TRPC6: variants seen among roughly 807,000 people sequenced by gnomAD.
The protein encoded by TRPC6 is short transient receptor potential channel 6.
A neutral mutation model predicts 90.7 loss-of-function variants in TRPC6; 55 were observed. The observed-to-expected ratio is 0.61, with a 90% confidence interval of 0.49 to 0.76. The LOEUF (loss-of-function observed/expected upper bound fraction) is 0.76, where lower values mean the gene tolerates loss of function less well. Among genes scored for constraint, TRPC6 ranks in the 30% least tolerant of loss-of-function variants. The pLI, the probability that TRPC6 is intolerant of heterozygous loss-of-function variation, is 0.00. For missense variants in TRPC6, 989 were observed against 1,122.7 expected, an observed-to-expected ratio of 0.88 and a Z score of 1.70; for synonymous variants, 393 against 393.0, an observed-to-expected ratio of 1.00 and a Z score of 0.00.
chr11:101,488,832 AAACCC>A, intron 4 of TRPC6, 100 bp downstream of exon 4: 1 of 1,286,002 alleles, frequency 7.8e-7, no homozygotes, highest in South Asian at 1.2e-5. Context: ...AAGATTACTG[AAACCC>A]AACTGTGATT....
rs747283143 is a variant in TRPC6, at chr11:101,491,628, C to A, written c.1056G>T (p.Thr352=). 8 of 1,613,824 alleles carry A rather than the reference C, an allele frequency of 5.0e-6. No individual in the cohort carries two copies. The African/African-American group carries it at 5.3e-5, about 11-fold the overall frequency. The change falls in exon 3 of 13, where the codon ACG becomes ACT. Residue 352 remains threonine (T), a synonymous_variant. Transcript: ENST00000344327. ...GGCGACCGTGATCACCACTCTGGAG[C>A]GTTTCAACATCCCCATTCAGAATGG... The part of the protein sequence containing the change: ...VEAILNGDVE[T]LQSGDHGRPN...
chr11:101,542,120 A>G (rs1861186475), intron 1 of TRPC6, among the ~76,000 whole-genome samples: 1 of 152,234 alleles, frequency 6.6e-6, no homozygotes, highest in African/African-American at 2.4e-5. Flanking sequence ...TTAGAGCCAT[A>G]ATTGTACTTA....
chr11:101,509,045 T>G (rs1309430630), intron 1 of TRPC6, among the ~76,000 whole-genome samples: 1 of 151,556 alleles, frequency 6.6e-6, no homozygotes, highest in Non-Finnish European at 1.5e-5. Flanking sequence ...CACTTGGACT[T>G]CATCATTTTT....
chr11:101,522,066 A>C (rs1321124608), intron 1 of TRPC6, among the ~76,000 whole-genome samples: 4 of 152,162 alleles, frequency 2.6e-5, no homozygotes, highest in Non-Finnish European at 4.4e-5. Context: ...GGGGACTATT[A>C]AGAAGGGATG....
intron 8 of TRPC6, 130 bp downstream of exon 8, chr11:101,472,007 A>G: frequency 1.1e-6 from 1 of 948,314 alleles, no homozygotes; most frequent in Non-Finnish European, 1.6e-6. Context: ...TTACTGGTCA[A>G]ACGAGTGTAT....
At chr11:101,495,948 T>C (rs914736430) in intron 2 of TRPC6, among the ~76,000 whole-genome samples, 16 of 152,034 alleles carry the variant, frequency 1.1e-4, no homozygotes, top group African/African-American at 3.9e-4. Context: ...CTGGGTAATT[T>C]AGAAAAAAGA....
chr11:101,454,895 T>C, intron 11 of TRPC6, 123 bp downstream of exon 11: 1 of 693,954 alleles, frequency 1.4e-6, no homozygotes, highest in South Asian at 1.9e-5. Flanking sequence ...TTAATAAATA[T>C]TTATTGAATT....
At chr11:101,480,039 G>A (rs1352854298) in intron 5 of TRPC6, among the ~76,000 whole-genome samples, 6 of 151,962 alleles carry the variant, frequency 3.9e-5, no homozygotes, top group Admixed American at 2.6e-4. Context: ...TTAGCCAGGC[G>A]TGATAGCTCA....
chr11:101,518,231 A>G (rs1860566894), intron 1 of TRPC6, among the ~76,000 whole-genome samples: 1 of 152,186 alleles, frequency 6.6e-6, no homozygotes, highest in South Asian at 2.1e-4. Flanking sequence ...ACAGCAAAGG[A>G]CACAATCAAT....
In TRPC6 at chr11:101,558,330, T is replaced by C. The variant is rs865869934; in HGVS notation, c.170+25004A>G. ...ACATGTATATATGTATACATGTATATGGGTATACATGTATATATGTATACA... is the reference window on the plus strand; with the variant it reads ...ACATGTATATATGTATACATGTATACGGGTATACATGTATATATGTATACA... On this transcript the variant is annotated intron_variant, in intron 1 of 12. Coordinates refer to ENST00000344327, the MANE Select transcript of TRPC6 (RefSeq NM_004621.6). Among the ~76,000 whole-genome samples, 431 of 89,998 alleles carry C rather than the reference T, an allele frequency of 4.8e-3. 23 individuals are homozygous for C. Among genetic ancestry groups the C allele is most frequent in the Non-Finnish European group, 8.1e-3 (304 of 37,538 alleles). The allele number at this position is 89,998 out of a possible 152,430, so 59.0% of individuals were successfully genotyped here.
chr11:101,548,103 A>G (rs941698041), intron 1 of TRPC6, among the ~76,000 whole-genome samples: 4 of 151,758 alleles, frequency 2.6e-5, no homozygotes, highest in African/African-American at 9.7e-5. Context: ...GGGCTAAAAT[A>G]GGATTTTTAT....
intron 1 of TRPC6, among the ~76,000 whole-genome samples, chr11:101,544,710 T>C (rs1440465512): frequency 2.0e-5 from 3 of 150,970 alleles, no homozygotes; most frequent in Non-Finnish European, 4.4e-5. Context: ...GAGGGGAACA[T>C]CACACACTGG....
In TRPC6 at chr11:101,538,645, C is replaced by T. The variant is rs899620193; in HGVS notation, c.171-33847G>A. Among the ~76,000 whole-genome samples, 25 of 152,204 alleles carry T rather than the reference C, an allele frequency of 1.6e-4. 1 individual carries two copies. The highest frequency in any genetic ancestry group is 2.6e-4 in the Admixed American group (4 of 15,288). On this transcript the variant is annotated intron_variant, in intron 1 of 12. Coordinates refer to ENST00000344327, the MANE Select transcript of TRPC6 (RefSeq NM_004621.6). ...TATCCATGTAAACTCAATCTAATCACATGAGCCCTTAAAAAGAGAAAACTT... is the reference window on the plus strand; with the variant it reads ...TATCCATGTAAACTCAATCTAATCATATGAGCCCTTAAAAAGAGAAAACTT...
chr11:101,572,859 G>C (rs971664905), intron 1 of TRPC6, among the ~76,000 whole-genome samples: 2 of 152,100 alleles, frequency 1.3e-5, no homozygotes, highest in Non-Finnish European at 2.9e-5. Context: ...GGCCTTTCAG[G>C]GGGTGAGGGG....
At chr11:101,485,221 G>C (rs1859648629) in intron 4 of TRPC6, among the ~76,000 whole-genome samples, 1 of 151,166 alleles carries the variant, frequency 6.6e-6, no homozygotes, top group Non-Finnish European at 1.5e-5. Flanking sequence ...GTAAAAGTTT[G>C]CTGTAAAAAT....
chr11:101,468,950 T>A (rs1008027919), intron 10 of TRPC6, among the ~76,000 whole-genome samples: 24 of 152,166 alleles, frequency 1.6e-4, no homozygotes, highest in African/African-American at 5.5e-4. Context: ...CTACTCTCAG[T>A]GAAGGAGCTG....
chr11:101,583,254 C>T, intron 1 of TRPC6, 80 bp downstream of exon 1: 1 of 1,499,298 alleles, frequency 6.7e-7, no homozygotes. Flanking sequence ...CGCGCGCGGA[C>T]GGACTCGGCC....
rs1859267710 is a variant in TRPC6, at chr11:101,470,675, T to TTCAA, written c.2409+504_2409+507dup. On this transcript the variant is annotated intron_variant, in intron 9 of 12. Transcript: ENST00000344327. ...TGCATCACCTTGTGGGATTACTGTT[T>TTCAA]TCAATCAATGTCCTTAGCTCTTTCT... Among the ~76,000 whole-genome samples, 6 of 152,268 alleles carry TTCAA rather than the reference T, an allele frequency of 3.9e-5. No individual in the cohort carries two copies. In the South Asian group the frequency reaches 1.2e-3, roughly 32 times the overall value.
intron 1 of TRPC6, among the ~76,000 whole-genome samples, chr11:101,574,644 T>A (rs754989158): frequency 1.3e-5 from 2 of 150,312 alleles, no homozygotes; most frequent in African/African-American, 5.0e-5. Flanking sequence ...CTAGGTTAAG[T>A]GTGGGGATTT....
Sources: allele counts gnomAD v4.1 joint callset (sites outside exome capture counted in the v4.1 genomes callset), GRCh38; gene constraint gnomAD v4.1.1; transcripts MANE v1.5; gene names NCBI Gene and HGNC (gene_info 2026-07-23, HGNC 2026-07-21).